AASDH: variants seen among roughly 807,000 people sequenced by gnomAD.
AASDH encodes the protein aminoadipate-semialdehyde dehydrogenase, also known as beta-alanine-activating enzyme.
In AASDH, 81 loss-of-function variants were observed where a neutral mutation model predicts 102.3. The ratio of observed to expected loss-of-function variants is 0.79; its 90% CI spans 0.66 to 0.95. AASDH has a LOEUF of 0.95. AASDH is among the 40% of genes least tolerant of loss of function. The pLI is 0.00. For synonymous variants in AASDH, 398 were observed against 454.0 expected (o/e 0.88, Z 1.57); for missense variants, 1,203 against 1,266.2 (o/e 0.95, Z 0.76).
At chr4:56,354,392 T>C (rs1280131933) in intron 7 of AASDH, among the ~76,000 whole-genome samples, 181 bp from the exon 8 acceptor site, 1 of 152,188 alleles carries the variant, frequency 6.6e-6, no homozygotes, top group African/African-American at 2.4e-5. Context: ...TAAGCAGAGA[T>C]AAAATGAAAT....
At chr4:56,366,738 T>C (rs1751061069) in intron 5 of AASDH, among the ~76,000 whole-genome samples, 1 of 151,128 alleles carries the variant, frequency 6.6e-6, no homozygotes, top group Non-Finnish European at 1.5e-5. Context: ...ATAAGAGCTA[T>C]CTATGACAAA....
rs772604182 is a variant in AASDH at position 56,354,826 on chromosome 4, T to C, written c.1104-15A>G. 3 of 1,564,764 alleles carry C rather than the reference T, an allele frequency of 1.9e-6. No individual in the cohort carries two copies. The highest frequency in any genetic ancestry group is 1.9e-5 in the Admixed American group (1 of 53,274). ...GCAATTCACATCTATGAAAATAAGA[T>C]ACAGAGCAGATTTAAAATTTTTCAT... On this transcript the variant is annotated splice_polypyrimidine_tract_variant and intron_variant, in intron 6 of 14. Coordinates refer to ENST00000205214, the MANE Select transcript of AASDH (RefSeq NM_181806.4).
At chr4:56,363,529 A>G (rs914037249) in intron 5 of AASDH, among the ~76,000 whole-genome samples, 1 of 152,212 alleles carries the variant, frequency 6.6e-6, no homozygotes, top group African/African-American at 2.4e-5. Context: ...CAAAACTTCC[A>G]GAAGAACGAT....
chr4:56,340,307 G>C (rs544876891), intron 14 of AASDH, among the ~76,000 whole-genome samples: 24 of 152,310 alleles, frequency 1.6e-4, no homozygotes, highest in African/African-American at 5.8e-4. Flanking sequence ...TAGCCAAAAT[G>C]GCACTGTATT....
At chr4:56,371,324 G>A (rs6554353) in intron 5 of AASDH, 127 bp downstream of exon 5, 346,204 of 899,426 alleles carry the variant, frequency 0.38, 69,971 homozygotes, top group Non-Finnish European at 0.42. Context: ...CTGAGGAGAC[G>A]GCCCTTGATA....
chr4:56,370,406 GAAAAGAAAAGAAAAAAC>G (rs1461922088), intron 5 of AASDH, among the ~76,000 whole-genome samples: 5 of 151,544 alleles, frequency 3.3e-5, no homozygotes, highest in African/African-American at 1.2e-4. Flanking sequence ...AAGAAAGAAA[GAAAAGAAAAGAAAAAAC>G]AAAAGAAAAG....
At chr4:56,352,971 C>T (rs73162253) in intron 9 of AASDH, among the ~76,000 whole-genome samples, 66 of 152,074 alleles carry the variant, frequency 4.3e-4, no homozygotes, top group African/African-American at 1.6e-3. Flanking sequence ...AATATAACCA[C>T]TAACTAGCAA....
chr4:56,362,741 G>T (rs1413809974), intron 5 of AASDH, among the ~76,000 whole-genome samples: 2 of 152,174 alleles, frequency 1.3e-5, no homozygotes, highest in African/African-American at 2.4e-5. Context: ...GGAGAGAAAA[G>T]ATGAACCCTG....
rs2110014925 is a variant in AASDH at position 56,384,090 on chromosome 4, G to T, written c.210C>A (p.Asp70Glu). Residue 70 changes from aspartate (D) to glutamate (E), a missense_variant, in exon 2 of 15, where the codon GAC (aspartate) becomes GAA (glutamate). Physicochemically the swap from Asp to Glu is conservative, Grantham distance 45. Coordinates refer to ENST00000205214, the MANE Select transcript of AASDH (RefSeq NM_181806.4). Reference protein sequence around the residue: ...EIGLYCQPGIDLPSWILGILQ... With the variant: ...EIGLYCQPGIELPSWILGILQ... ...ATTACCCTAAAATCCAAGAGGGTAAGTCTATCCCAGGTTGGCAGTAGAGAC... is the reference window on the plus strand; with the variant it reads ...ATTACCCTAAAATCCAAGAGGGTAATTCTATCCCAGGTTGGCAGTAGAGAC... The T allele has an allele frequency of 6.2e-7, 1 of 1,613,852 alleles. No homozygotes were observed. The highest frequency in any genetic ancestry group is 8.5e-7 in the Non-Finnish European group (1 of 1,179,770).
At chr4:56,348,668 C>CT (rs1217424984) in intron 11 of AASDH, among the ~76,000 whole-genome samples, 4 of 152,146 alleles carry the variant, frequency 2.6e-5, no homozygotes, top group Non-Finnish European at 5.9e-5. Flanking sequence ...CTGGATCACT[C>CT]TGAGGAATGT....
At chr4:56,378,573 TG>T in intron 3 of AASDH, 109 bp from the exon 4 acceptor site, 1 of 1,000,428 alleles carries the variant, frequency 1.0e-6, no homozygotes, top group Non-Finnish European at 1.4e-6. Flanking sequence ...TTGGGGGAAT[TG>T]GTTCTAGGAT....
chr4:56,370,655 C>T (rs578099415), intron 5 of AASDH, among the ~76,000 whole-genome samples: 2 of 152,220 alleles, frequency 1.3e-5, no homozygotes, highest in Non-Finnish European at 2.9e-5. Flanking sequence ...CTTCCCACCT[C>T]CAGAACTATA....
At chr4:56,354,260 T>A (rs1284135688) in intron 7 of AASDH, 49 bp from the exon 8 acceptor site, 5 of 1,449,006 alleles carry the variant, frequency 3.5e-6, no homozygotes, top group Non-Finnish European at 4.6e-6. Context: ...GGGAAATATA[T>A]TAAAAACCAT....
intron 5 of AASDH, among the ~76,000 whole-genome samples, 170 bp from the exon 6 acceptor site, chr4:56,355,593 G>GTTTTTTT (rs149149581): frequency 6.5e-5 from 6 of 91,874 alleles, no homozygotes; most frequent in East Asian, 3.7e-4. Flanking sequence ...TTATCTTCTT[G>GTTTTTTT]TTTTTTTTTT....
intron 11 of AASDH, among the ~76,000 whole-genome samples, chr4:56,345,824 CTAAGTA>C (rs1426016335): frequency 6.6e-6 from 1 of 152,200 alleles, no homozygotes; most frequent in Non-Finnish European, 1.5e-5. Flanking sequence ...AGGCGTTATT[CTAAGTA>C]TGTTACATCT....
At chr4:56,384,007 A>G in intron 2 of AASDH, 63 bp downstream of exon 2, 1 of 1,362,354 alleles carries the variant, frequency 7.3e-7, no homozygotes, top group Non-Finnish European at 1.0e-6. Flanking sequence ...CTTGCAATAT[A>G]CTCTATTAAA....
intron 9 of AASDH, 125 bp downstream of exon 9, chr4:56,353,279 G>A (rs901671986): frequency 5.4e-6 from 4 of 737,108 alleles, no homozygotes; most frequent in Non-Finnish European, 8.2e-6. Context: ...GCAGTCAAAA[G>A]AGGGTCTATC....
intron 5 of AASDH, among the ~76,000 whole-genome samples, chr4:56,364,671 G>C (rs939461565): frequency 1.3e-5 from 2 of 152,298 alleles, no homozygotes; most frequent in East Asian, 3.9e-4. Flanking sequence ...CAAATGCTGA[G>C]AGATTTTGTC....
At chr4:56,373,434 C>T (rs113483281) in intron 4 of AASDH, among the ~76,000 whole-genome samples, 34 of 152,162 alleles carry the variant, frequency 2.2e-4, no homozygotes, top group African/African-American at 4.6e-4. Flanking sequence ...TGAGCCACCG[C>T]GCCTGGCCTC....
Sources: allele counts gnomAD v4.1 joint callset (sites outside exome capture counted in the v4.1 genomes callset), GRCh38; gene constraint gnomAD v4.1.1; transcripts MANE v1.5; gene names NCBI Gene and HGNC (gene_info 2026-07-23, HGNC 2026-07-21).